Variants in RAB38 observed in about 807,000 individuals in gnomAD.
The protein encoded by RAB38 is RAB38, member RAS oncogene family.
Under a neutral mutation model 18.4 loss-of-function variants are expected in RAB38, and 15 were observed. The ratio of observed to expected loss-of-function variants is 0.82; its 90% CI spans 0.55 to 1.26. The LOEUF (loss-of-function observed/expected upper bound fraction) is 1.26. RAB38 is among the 50% of genes most tolerant of loss of function. RAB38 has a pLI of 0.00. For synonymous variants in RAB38, 101 were observed against 104.4 expected, an observed-to-expected ratio of 0.97 and a Z score of 0.20; for missense variants, 294 against 267.4, an observed-to-expected ratio of 1.10 and a Z score of -0.69.
chr11:87,866,839 G>C, the RAB38 span, among the ~76,000 whole-genome samples: 1 of 151,772 alleles, frequency 6.6e-6, no homozygotes, highest in Non-Finnish European at 1.5e-5. Context: ...ACTGAACATA[G>C]AGAGTCAGGA....
the RAB38 span, among the ~76,000 whole-genome samples, chr11:88,030,406 C>CA: frequency 2.0e-5 from 3 of 152,028 alleles, no homozygotes; most frequent in East Asian, 1.9e-4. Flanking sequence ...AATAGAGACA[C>CA]AAAAAACTCT....
chr11:88,079,718 A>G, the RAB38 span, among the ~76,000 whole-genome samples: 1 of 151,990 alleles, frequency 6.6e-6, no homozygotes, highest in Non-Finnish European at 1.5e-5. Context: ...AGTTTATCCC[A>G]GGAATGCAAA....
downstream of RAB38, among the ~76,000 whole-genome samples, chr11:88,112,793 A>AATATAT (rs35551236): frequency 2.9e-4 from 40 of 136,046 alleles, no homozygotes; most frequent in African/African-American, 9.8e-4. Flanking sequence ...ACAACAACAA[A>AATATAT]ATATATATAT....
At chr11:87,891,775 G>T in the RAB38 span, among the ~76,000 whole-genome samples, 2 of 151,828 alleles carry the variant, frequency 1.3e-5, no homozygotes, top group Non-Finnish European at 2.9e-5. Context: ...TAGGAATCAG[G>T]AGTAAACAGA....
chr11:88,029,781 G>C, the RAB38 span, among the ~76,000 whole-genome samples: 5 of 151,980 alleles, frequency 3.3e-5, no homozygotes, highest in East Asian at 9.7e-4. Flanking sequence ...ATTAATAATG[G>C]GAGACTTTAA....
At chr11:87,908,754 T>C in the RAB38 span, among the ~76,000 whole-genome samples, 2 of 152,014 alleles carry the variant, frequency 1.3e-5, no homozygotes, top group African/African-American at 2.4e-5. Flanking sequence ...TTGGGAAGTT[T>C]TGAAATTGAC....
the RAB38 span, among the ~76,000 whole-genome samples, chr11:88,035,908 T>G: frequency 1.9e-4 from 29 of 152,248 alleles, no homozygotes; most frequent in South Asian, 5.8e-3. Context: ...CTGTTTGCCT[T>G]GATTTCTCTC....
At chr11:88,009,229 T>C in the RAB38 span, among the ~76,000 whole-genome samples, 2 of 152,238 alleles carry the variant, frequency 1.3e-5, no homozygotes, top group East Asian at 3.9e-4. Flanking sequence ...AATAATTTCT[T>C]ATCTATGGTT....
chr11:87,958,137 T>G, the RAB38 span, among the ~76,000 whole-genome samples: 1 of 152,158 alleles, frequency 6.6e-6, no homozygotes, highest in African/African-American at 2.4e-5. Flanking sequence ...TGGCAGCCAC[T>G]GCCCCCAGTC....
the RAB38 span, among the ~76,000 whole-genome samples, chr11:87,913,247 T>C: frequency 7.2e-5 from 11 of 152,110 alleles, no homozygotes; most frequent in Non-Finnish European, 1.3e-4. Context: ...TGTGTCTTTA[T>C]TGAAGATACA....
the RAB38 span, among the ~76,000 whole-genome samples, chr11:87,813,529 A>C: frequency 6.6e-6 from 1 of 151,390 alleles, no homozygotes; most frequent in Non-Finnish European, 1.5e-5. Flanking sequence ...ACACACACAC[A>C]CACACATCTC....
chr11:87,977,543 T>TATA, the RAB38 span, among the ~76,000 whole-genome samples: 1 of 116,758 alleles, frequency 8.6e-6, no homozygotes, highest in African/African-American at 3.4e-5. Context: ...TATATCATTA[T>TATA]TATATAATAT....
the RAB38 span, among the ~76,000 whole-genome samples, chr11:87,931,609 T>C: frequency 6.6e-6 from 1 of 152,120 alleles, no homozygotes; most frequent in Admixed American, 6.6e-5. Flanking sequence ...GGCATTCAAA[T>C]GTCAGAACAG....
chr11:87,947,674 C>G, the RAB38 span, among the ~76,000 whole-genome samples: 14,407 of 152,112 alleles, frequency 0.095, 849 homozygotes, highest in East Asian at 0.16. Context: ...GTTTTTGTCA[C>G]GTTTGTCAAA....
chr11:88,174,232 C>T (rs1943347637), intron 1 of RAB38: 1 of 347,514 alleles, frequency 2.9e-6, no homozygotes, highest in Non-Finnish European at 4.0e-6. Flanking sequence ...GGGCTAAAAT[C>T]TGTAATGAGG....
the RAB38 span, among the ~76,000 whole-genome samples, chr11:87,956,585 C>T: frequency 6.6e-6 from 1 of 152,100 alleles, no homozygotes; most frequent in Non-Finnish European, 1.5e-5. Flanking sequence ...CAACCTTGTC[C>T]ACTGGGGTCT....
the RAB38 span, among the ~76,000 whole-genome samples, chr11:87,972,126 A>G: frequency 2.0e-5 from 3 of 152,076 alleles, no homozygotes; most frequent in Non-Finnish European, 4.4e-5. Context: ...AGGAAGAGCC[A>G]GTTATGTCTT....
chr11:87,882,198 T>A, the RAB38 span, among the ~76,000 whole-genome samples: 1 of 151,874 alleles, frequency 6.6e-6, no homozygotes, highest in South Asian at 2.1e-4. Flanking sequence ...GCCACATTAA[T>A]AGGCCCATCA....
chr11:88,032,937 T>C, the RAB38 span, among the ~76,000 whole-genome samples: 2 of 152,222 alleles, frequency 1.3e-5, no homozygotes, highest in African/African-American at 4.8e-5. Flanking sequence ...CATATGTTTA[T>C]TGTGGCATTA....
Sources: allele counts gnomAD v4.1 joint callset (sites outside exome capture counted in the v4.1 genomes callset), GRCh38; gene constraint gnomAD v4.1.1; transcripts MANE v1.5; gene names NCBI Gene and HGNC (gene_info 2026-07-23, HGNC 2026-07-21).